The following KDM2B variants were observed in gnomAD, a reference collection of about 807,000 sequenced individuals.
KDM2B encodes lysine-specific demethylase 2B.
Under a neutral mutation model 150.0 loss-of-function variants are expected in KDM2B, and 26 were observed. The ratio of observed to expected loss-of-function variants is 0.17; its 90% CI spans 0.13 to 0.24. KDM2B has a LOEUF of 0.24. Ranked by LOEUF, KDM2B falls within the 10% of genes least tolerant of loss-of-function variation. KDM2B has a pLI of 1.00. For synonymous variants in KDM2B, 734 were observed against 729.5 expected (o/e 1.01, Z -0.10); for missense variants, 1,265 against 1,816.9 (o/e 0.70, Z 5.52).
Position 121,443,732 on chromosome 12 carries a change from C to T in KDM2B, c.2513G>A (p.Gly838Asp). 6.2e-7 allele frequency: 1 copy of T among 1,611,756 alleles called. No individual in the cohort carries two copies. The highest frequency in any genetic ancestry group is 2.2e-5 in the East Asian group (1 of 44,886). The part of the protein sequence containing the change: ...SSHLSPRPPL[G>D]SSLSPWWRSS... ...TCTCCACCAGGGGCTGAGGCTGCTG[C>T]CTAGAGGGGGCCTCGGCGAGAGGTG... Residue 838 changes from glycine (G) to aspartate (D), a missense_variant, in exon 17 of 23, where the codon GGC becomes GAC. Gly to Asp is a moderately conservative substitution (Grantham distance 94). Coordinates refer to ENST00000377071, the MANE Select transcript of KDM2B (RefSeq NM_032590.5).
the KDM2B span, among the ~76,000 whole-genome samples, chr12:121,416,947 G>T: frequency 2.0e-5 from 3 of 152,198 alleles, no homozygotes; most frequent in Non-Finnish European, 4.4e-5. Flanking sequence ...ACAATGCAGC[G>T]AGCAGAAACG....
At chr12:121,559,843 A>C (rs1445779301) in intron 4 of KDM2B, among the ~76,000 whole-genome samples, 1 of 151,586 alleles carries the variant, frequency 6.6e-6, no homozygotes, top group Non-Finnish European at 1.5e-5. Flanking sequence ...GCAGAGGTTG[A>C]GATGAGCTGA....
intron 4 of KDM2B, among the ~76,000 whole-genome samples, chr12:121,572,049 C>A (rs1169463524): frequency 1.3e-5 from 2 of 152,092 alleles, no homozygotes; most frequent in Non-Finnish European, 2.9e-5. Context: ...AAGTAAATAA[C>A]TAACTGGGTG....
rs1284913015 is a variant in KDM2B, at chr12:121,452,550, G to A, written c.1959+570C>T. On this transcript the variant is annotated intron_variant, in intron 13 of 22. Transcript: ENST00000377071. The surrounding 1 kb of genome is among the most constrained non-coding windows in gnomAD (Gnocchi z 4.4). ...CGCCCTGAGGAAGGCAGAGCATGTG[G>A]GTGTGTACAAGGGAATTCAAGGGCA... Among the ~76,000 whole-genome samples the A allele has an allele frequency of 6.6e-6, 1 of 152,240 alleles. No individual in the cohort carries two copies. Among genetic ancestry groups the A allele is most frequent in the Non-Finnish European group, 1.5e-5 (1 of 68,042 alleles).
intron 12 of KDM2B, among the ~76,000 whole-genome samples, chr12:121,484,212 G>A (rs1555298398): frequency 6.6e-6 from 1 of 152,194 alleles, no homozygotes; most frequent in Non-Finnish European, 1.5e-5. Flanking sequence ...AGTCCATAAG[G>A]AGGGTGAGGC....
intron 4 of KDM2B, among the ~76,000 whole-genome samples, chr12:121,553,164 G>A (rs540489564): frequency 2.2e-3 from 330 of 151,930 alleles, no homozygotes; most frequent in South Asian, 1.9e-3. Flanking sequence ...CCCGGGAGGC[G>A]GGGTTGCAGC....
At chr12:121,479,867 C>G (rs1169367305) in intron 12 of KDM2B, among the ~76,000 whole-genome samples, 1 of 152,122 alleles carries the variant, frequency 6.6e-6, no homozygotes, top group Non-Finnish European at 1.5e-5. Flanking sequence ...AGTGAGGCAC[C>G]AGCCTCGGCC....
intron 22 of KDM2B, among the ~76,000 whole-genome samples, chr12:121,438,649 G>A (rs1406778068): frequency 5.3e-5 from 8 of 152,044 alleles, no homozygotes; most frequent in Non-Finnish European, 8.8e-5. Flanking sequence ...CCTAGGTCCC[G>A]AATGATCTCA....
chr12:121,538,233 C>T (rs1434656862), intron 6 of KDM2B, among the ~76,000 whole-genome samples: 12 of 152,016 alleles, frequency 7.9e-5, no homozygotes, highest in Admixed American at 7.9e-4. Flanking sequence ...CCTCGCCCGG[C>T]CGGTGGGGGT....
At chr12:121,580,415 G>T in intron 1 of KDM2B, 1 of 1,156,002 alleles carries the variant, frequency 8.7e-7, no homozygotes, top group Non-Finnish European at 1.1e-6. Flanking sequence ...AGCCCGGGAG[G>T]CACCGGGCGC....
At chr12:121,455,111 A>G (rs981768342) in intron 12 of KDM2B, among the ~76,000 whole-genome samples, 2 of 152,038 alleles carry the variant, frequency 1.3e-5, no homozygotes, top group African/African-American at 2.4e-5. Flanking sequence ...TCACCTTCCC[A>G]CAGCATTCAA....
chr12:121,530,372 T>A (rs531566959), intron 8 of KDM2B, among the ~76,000 whole-genome samples: 2 of 152,304 alleles, frequency 1.3e-5, no homozygotes, highest in South Asian at 4.1e-4. Context: ...TACTTGTAAC[T>A]TTTTTAGTGT....
At position 121,510,046 on chromosome 12, in the gene KDM2B, G is replaced by C. The variant is rs745333571; in HGVS notation, c.1175-7C>G. 2.6e-6 allele frequency: 4 copies of C among 1,532,436 alleles called. No individual in the cohort carries two copies. The highest frequency in any genetic ancestry group is 1.7e-6 in the Non-Finnish European group (2 of 1,143,848). The allele number at this position is 1,532,436 out of a possible 1,614,324, so 94.9% of individuals were successfully genotyped here. A position where few individuals can be genotyped will look rare whatever the true frequency, so the allele number is the denominator to read the frequency against. ...CTGGGCTTCCTCGGGGCATCTGTGG[G>C]GGCAGGGTCACAAGAAAGACCGAGA... On this transcript the variant is annotated splice_polypyrimidine_tract_variant and splice_region_variant and intron_variant, in intron 10 of 22. Transcript: ENST00000377071.
chr12:121,559,880 G>C (rs1408829818), intron 4 of KDM2B, among the ~76,000 whole-genome samples: 2 of 144,328 alleles, frequency 1.4e-5, no homozygotes, highest in African/African-American at 2.6e-5. Flanking sequence ...TCTAGCCTGA[G>C]CAACAAGAGC....
At chr12:121,516,086 C>T (rs186744865) in intron 9 of KDM2B, among the ~76,000 whole-genome samples, 31 of 152,220 alleles carry the variant, frequency 2.0e-4, no homozygotes, top group Admixed American at 7.2e-4. Flanking sequence ...TCAAGAGAAA[C>T]GGACAAAAGA....
At chr12:121,540,318 C>G (rs1342994246) in intron 6 of KDM2B, among the ~76,000 whole-genome samples, 1 of 152,146 alleles carries the variant, frequency 6.6e-6, no homozygotes, top group African/African-American at 2.4e-5. Context: ...GTTTCCCTAT[C>G]TGACATATTA....
chr12:121,527,219 T>G (rs1310636377), intron 8 of KDM2B, among the ~76,000 whole-genome samples: 1 of 148,874 alleles, frequency 6.7e-6, no homozygotes, highest in Non-Finnish European at 1.5e-5. Context: ...CCAGATAATT[T>G]TTTTTTTTTT....
intron 9 of KDM2B, among the ~76,000 whole-genome samples, chr12:121,515,958 T>C (rs782679719): frequency 6.6e-6 from 1 of 152,168 alleles, no homozygotes; most frequent in Non-Finnish European, 1.5e-5. Context: ...AGAGTCATCT[T>C]TTCTCATAGT....
the KDM2B span, chr12:121,417,438 G>GGCC: frequency 7.1e-7 from 1 of 1,411,452 alleles, no homozygotes; most frequent in Non-Finnish European, 9.6e-7. The surrounding 1 kb of genome is among the most constrained non-coding windows in gnomAD (Gnocchi z 5.0). Context: ...GTAGAAGGCA[G>GGCC]AAAGAAAACT....
Sources: allele counts gnomAD v4.1 joint callset (sites outside exome capture counted in the v4.1 genomes callset), GRCh38; gene constraint gnomAD v4.1.1; non-coding constraint Gnocchi (gnomAD v3.1); transcripts MANE v1.5; gene names NCBI Gene and HGNC (gene_info 2026-07-23, HGNC 2026-07-21).